CSMD1: variants seen among roughly 807,000 people sequenced by gnomAD.
The protein encoded by CSMD1 is CUB and Sushi multiple domains 1, also known as CUB and sushi domain-containing protein 1.
Under a neutral mutation model 417.5 loss-of-function variants are expected in CSMD1, and 213 were observed. The observed-to-expected ratio is 0.51, with a 90% confidence interval of 0.46 to 0.57. CSMD1 has a LOEUF of 0.57. Among genes scored for constraint, CSMD1 ranks in the 20% least tolerant of loss-of-function variants. The pLI is 0.00. For synonymous variants in CSMD1, 2,862 were observed against 1,736.8 expected, an observed-to-expected ratio of 1.65 and a Z score of -16.11; for missense variants, 6,923 against 4,529.7, an observed-to-expected ratio of 1.53 and a Z score of -15.17.
chr8:3,983,323 G>A (rs564041776), intron 5 of CSMD1, among the ~76,000 whole-genome samples: 24 of 151,840 alleles, frequency 1.6e-4, no homozygotes, highest in Non-Finnish European at 3.1e-4. Context: ...GTAGAGATGG[G>A]GTTTCACCGT....
At chr8:4,303,375 T>C (rs1798081081) in intron 3 of CSMD1, among the ~76,000 whole-genome samples, 2 of 150,824 alleles carry the variant, frequency 1.3e-5, no homozygotes, top group South Asian at 4.2e-4. Context: ...TCAAATAATT[T>C]ATTAATTTTT....
intron 1 of CSMD1, among the ~76,000 whole-genome samples, chr8:4,768,178 A>G (rs1348287985): frequency 1.3e-5 from 2 of 152,182 alleles, no homozygotes; most frequent in African/African-American, 2.4e-5. Flanking sequence ...CAGGACATTG[A>G]TGGATGACTT....
chr8:4,115,445 G>A (rs1217469029), intron 3 of CSMD1, among the ~76,000 whole-genome samples: 2 of 152,152 alleles, frequency 1.3e-5, no homozygotes, highest in East Asian at 1.9e-4. Flanking sequence ...CTGAATCTCT[G>A]AGGTATGCCT....
intron 26 of CSMD1, among the ~76,000 whole-genome samples, chr8:3,256,223 G>T (rs961087437): frequency 3.3e-5 from 5 of 150,870 alleles, no homozygotes; most frequent in African/African-American, 1.2e-4. Flanking sequence ...ACTACTCAGG[G>T]GGCTGAGGCA....
chr8:3,954,200 G>C (rs1489213358), intron 5 of CSMD1, among the ~76,000 whole-genome samples: 2 of 152,154 alleles, frequency 1.3e-5, no homozygotes, highest in East Asian at 1.9e-4. Context: ...ATTTGACTGA[G>C]GGGCATAAAG....
At chr8:4,092,130 G>C (rs539172350) in intron 3 of CSMD1, among the ~76,000 whole-genome samples, 7 of 152,210 alleles carry the variant, frequency 4.6e-5, no homozygotes, top group Non-Finnish European at 8.8e-5. Flanking sequence ...TTCTCCTTAA[G>C]AGAAGAAAAT....
Position 3,284,200 on chromosome 8 carries a change from A to G in CSMD1, c.4097T>C (p.Leu1366Pro), listed in dbSNP as rs1033199578. The change falls in exon 26 of 70, where the codon CTG becomes CCG. Residue 1366 changes from leucine to proline, a missense_variant. Leu to Pro is a moderately conservative substitution (Grantham distance 98, BLOSUM62 -3). Transcript: ENST00000635120. ...DIHSTFNSLT[L>P]QFDSDFFISK... ...GATGAAGAAGTCGCTGTCGAACTGC[A>G]GGGTGAGTGAGTTGAAGGTGCTGTG... is the stretch of plus-strand genomic sequence containing the variant. 1 of 1,606,870 alleles carries G rather than the reference A, an allele frequency of 6.2e-7. No individual in the cohort carries two copies. The highest frequency in any genetic ancestry group is 8.5e-7 in the Non-Finnish European group (1 of 1,176,818).
At chr8:4,033,547 G>C (rs934894094) in intron 3 of CSMD1, among the ~76,000 whole-genome samples, 4 of 152,168 alleles carry the variant, frequency 2.6e-5, no homozygotes, top group African/African-American at 7.2e-5. Flanking sequence ...ATGTATATCT[G>C]AAGTGTATTG....
In CSMD1 at chr8:3,029,522, G is replaced by A; in HGVS notation, c.7661-9C>T. Reference sequence around the variant, plus strand: ...GCTGGGGCAAGCGACCGCTGGAAGGGAAACGTACATCACATCATCATTTTT... The same window carrying A: ...GCTGGGGCAAGCGACCGCTGGAAGGAAAACGTACATCACATCATCATTTTT... On this transcript the variant is annotated splice_polypyrimidine_tract_variant and intron_variant, in intron 50 of 69. Transcript: ENST00000635120. 2 of 1,580,722 alleles carry A rather than the reference G, an allele frequency of 1.3e-6. No homozygotes were observed. The highest frequency in any genetic ancestry group is 3.7e-5 in the Admixed American group (2 of 54,746).
At chr8:4,760,857 T>C (rs1811993692) in intron 1 of CSMD1, among the ~76,000 whole-genome samples, 1 of 152,186 alleles carries the variant, frequency 6.6e-6, no homozygotes, top group African/African-American at 2.4e-5. Context: ...ATAATGCCTG[T>C]AATATACAAC....
At chr8:4,103,434 TA>T (rs1801407394) in intron 3 of CSMD1, among the ~76,000 whole-genome samples, 2 of 151,026 alleles carry the variant, frequency 1.3e-5, no homozygotes. Context: ...TTTTGTCTGT[TA>T]AAAAAGGGTA....
intron 11 of CSMD1, among the ~76,000 whole-genome samples, chr8:3,484,025 C>G (rs143009084): frequency 1.3e-5 from 2 of 152,146 alleles, no homozygotes; most frequent in African/African-American, 4.8e-5. Context: ...TAATTCCTAT[C>G]ACAATCCCAG....
At chr8:4,742,179 C>T (rs977642006) in intron 1 of CSMD1, among the ~76,000 whole-genome samples, 20 of 151,068 alleles carry the variant, frequency 1.3e-4, no homozygotes, top group African/African-American at 2.9e-4. Context: ...TACAGGCGCC[C>T]GCCACCACGC....
chr8:3,794,233 T>A (rs74690649), intron 5 of CSMD1, among the ~76,000 whole-genome samples: 7 of 152,198 alleles, frequency 4.6e-5, no homozygotes, highest in Admixed American at 4.6e-4. Flanking sequence ...GACAATCCTG[T>A]TCTACGCAGT....
chr8:4,395,698 A>G (rs567592108), intron 3 of CSMD1, among the ~76,000 whole-genome samples: 1 of 152,328 alleles, frequency 6.6e-6, no homozygotes, highest in East Asian at 1.9e-4. Flanking sequence ...ACAAACATGT[A>G]TGATGAAGAG....
At chr8:4,722,174 C>G (rs897845441) in intron 1 of CSMD1, among the ~76,000 whole-genome samples, 1 of 152,112 alleles carries the variant, frequency 6.6e-6, no homozygotes, top group Non-Finnish European at 1.5e-5. Flanking sequence ...TTTACACACA[C>G]ACACATGCTG....
intron 3 of CSMD1, among the ~76,000 whole-genome samples, chr8:4,160,658 G>T (rs1036701285): frequency 6.6e-6 from 1 of 152,210 alleles, no homozygotes; most frequent in Non-Finnish European, 1.5e-5. Context: ...ACTTGTGTGT[G>T]CACAGACACA....
chr8:3,071,411 A>C (rs551786073), intron 49 of CSMD1, among the ~76,000 whole-genome samples: 40 of 152,288 alleles, frequency 2.6e-4, no homozygotes, highest in African/African-American at 9.4e-4. Context: ...TGCAGGGCTT[A>C]AAACCAAGAT....
intron 15 of CSMD1, among the ~76,000 whole-genome samples, chr8:3,402,505 A>G (rs1468894016): frequency 1.1e-4 from 16 of 152,174 alleles, no homozygotes; most frequent in Admixed American, 1.0e-3. Context: ...AGAGAAAGAG[A>G]AACCTTTTGC....
Sources: allele counts gnomAD v4.1 joint callset (sites outside exome capture counted in the v4.1 genomes callset), GRCh38; gene constraint gnomAD v4.1.1; transcripts MANE v1.5; gene names NCBI Gene and HGNC (gene_info 2026-07-23, HGNC 2026-07-21).